The following LINGO2 variants were observed in gnomAD, a reference collection of about 807,000 sequenced individuals.
LINGO2 encodes leucine rich repeat and Ig domain containing 2, also known as leucine-rich repeat and immunoglobulin-like domain-containing nogo receptor-interacting protein 2.
LINGO2 carries 14 observed loss-of-function variants against 30.6 expected under a neutral mutation model. That is an observed-to-expected ratio of 0.46 (90% CI 0.30 to 0.72). LINGO2 has a LOEUF of 0.72. Among genes scored for constraint, LINGO2 ranks in the 30% least tolerant of loss-of-function variants. LINGO2 has a pLI of 0.07. For synonymous variants in LINGO2, 317 were observed against 288.5 expected (o/e 1.10, Z -1.00); for missense variants, 729 against 751.7 (o/e 0.97, Z 0.35).
chr9:28,577,416 G>C (rs909004160), intron 1 of LINGO2, among the ~76,000 whole-genome samples: 1 of 151,910 alleles, frequency 6.6e-6, no homozygotes, highest in Non-Finnish European at 1.5e-5. Flanking sequence ...TTCAGCCCAC[G>C]AGTACCATTT....
the LINGO2 span, among the ~76,000 whole-genome samples, chr9:28,890,748 T>C: frequency 0.85 from 129,489 of 152,046 alleles, 55,317 homozygotes; most frequent in Non-Finnish European, 0.89. Context: ...AAAATTCCAA[T>C]TGACAGTCAA....
At chr9:27,941,911 C>A in the LINGO2 span, 2 of 152,026 alleles carry the variant, frequency 1.3e-5, no homozygotes, top group Non-Finnish European at 2.9e-5. Flanking sequence ...TGAGTGAAGG[C>A]TAACTCAGAA....
At position 28,556,945 on chromosome 9, in the gene LINGO2, T is replaced by G. The variant is rs1021205606; in HGVS notation, c.-364-80920A>C. The stretch of plus-strand genomic sequence containing the variant: ...GTGCTGGGAAAACTGGCTAGCCATA[T>G]GTAGAAAGCTGAAACTAGATCCCTT... On this transcript the variant is annotated intron_variant, in intron 1 of 5. Transcript: ENST00000379992. Among the ~76,000 whole-genome samples, 403 of 152,224 alleles carry G rather than the reference T, an allele frequency of 2.6e-3. 4 individuals are homozygous for G. Among genetic ancestry groups the G allele is most frequent in the Non-Finnish European group, 4.4e-3 (298 of 68,030 alleles).
chr9:28,603,981 C>G (rs150990206), intron 1 of LINGO2, among the ~76,000 whole-genome samples: 8 of 152,132 alleles, frequency 5.3e-5, no homozygotes, highest in South Asian at 2.1e-4. Context: ...GTGTTTTACT[C>G]TTTTAATCTT....
At chr9:28,254,759 A>G (rs1158506187) in intron 4 of LINGO2, among the ~76,000 whole-genome samples, 1 of 152,078 alleles carries the variant, frequency 6.6e-6, no homozygotes, top group African/African-American at 2.4e-5. Flanking sequence ...AGAAATACCA[A>G]ATTTTTTAAA....
At chr9:28,971,126 C>T in the LINGO2 span, among the ~76,000 whole-genome samples, 3 of 152,120 alleles carry the variant, frequency 2.0e-5, no homozygotes, top group African/African-American at 7.2e-5. Flanking sequence ...TCCAGACGCA[C>T]CCTGGGCAAG....
At chr9:28,167,683 C>T (rs1828470486) in intron 4 of LINGO2, among the ~76,000 whole-genome samples, 1 of 152,138 alleles carries the variant, frequency 6.6e-6, no homozygotes, top group African/African-American at 2.4e-5. Flanking sequence ...CACTGCACCC[C>T]ACCTATTGTC....
chr9:28,995,903 G>A, the LINGO2 span, among the ~76,000 whole-genome samples: 10 of 78,026 alleles, frequency 1.3e-4, 1 homozygote, highest in African/African-American at 3.8e-4. Context: ...ATAGCATTAG[G>A]AGATATACCT....
At chr9:28,651,994 C>T (rs886809999) in intron 1 of LINGO2, among the ~76,000 whole-genome samples, 1 of 152,104 alleles carries the variant, frequency 6.6e-6, no homozygotes, top group Non-Finnish European at 1.5e-5. Context: ...CACACAAGTA[C>T]GTAGCCCTCA....
chr9:29,028,773 A>C, the LINGO2 span, among the ~76,000 whole-genome samples: 2 of 152,160 alleles, frequency 1.3e-5, no homozygotes, highest in Non-Finnish European at 2.9e-5. Flanking sequence ...GCTGACAGCT[A>C]TTCAATAGGT....
the LINGO2 span, among the ~76,000 whole-genome samples, chr9:28,700,260 T>G: frequency 6.6e-6 from 1 of 152,018 alleles, no homozygotes; most frequent in Non-Finnish European, 1.5e-5. Flanking sequence ...ATTGAAATAC[T>G]GGGGGCAGGT....
chr9:28,720,706 G>A, the LINGO2 span, among the ~76,000 whole-genome samples: 20 of 152,168 alleles, frequency 1.3e-4, no homozygotes, highest in African/African-American at 4.8e-4. Flanking sequence ...ATATATATTT[G>A]TATCATTCCA....
At chr9:28,866,043 T>A in the LINGO2 span, among the ~76,000 whole-genome samples, 1 of 152,166 alleles carries the variant, frequency 6.6e-6, no homozygotes, top group Non-Finnish European at 1.5e-5. Context: ...TGAATCTGAA[T>A]GCAAGAAAAC....
intron 4 of LINGO2, among the ~76,000 whole-genome samples, chr9:28,017,464 T>G (rs1041614140): frequency 6.6e-6 from 1 of 152,174 alleles, no homozygotes; most frequent in Non-Finnish European, 1.5e-5. Flanking sequence ...CAAAAGCCCC[T>G]TGGTCAGATA....
the LINGO2 span, among the ~76,000 whole-genome samples, chr9:28,837,709 G>T: frequency 1.5e-5 from 2 of 130,018 alleles, no homozygotes; most frequent in African/African-American, 5.8e-5. Context: ...GCCTAAGGGT[G>T]CAGTGCCTAC....
At chr9:28,373,201 G>A (rs561364710) in intron 2 of LINGO2, among the ~76,000 whole-genome samples, 1 of 152,228 alleles carries the variant, frequency 6.6e-6, no homozygotes, top group South Asian at 2.1e-4. Flanking sequence ...AAATTATATA[G>A]GCAGCACTTA....
chr9:28,265,164 C>A (rs987330908), intron 4 of LINGO2, among the ~76,000 whole-genome samples: 2 of 146,318 alleles, frequency 1.4e-5, no homozygotes, highest in African/African-American at 5.1e-5. Context: ...ATATACACAA[C>A]AACACAACAC....
intron 1 of LINGO2, among the ~76,000 whole-genome samples, chr9:28,614,073 T>C (rs1387320537): frequency 6.6e-6 from 1 of 152,158 alleles, no homozygotes; most frequent in Non-Finnish European, 1.5e-5. Flanking sequence ...GACTAGATCA[T>C]TTATAATAAA....
At chr9:28,105,719 A>ACTCTCTCT (rs369866533) in intron 4 of LINGO2, among the ~76,000 whole-genome samples, 2 of 147,832 alleles carry the variant, frequency 1.4e-5, no homozygotes, top group Admixed American at 6.8e-5. Context: ...AACCTGTCTC[A>ACTCTCTCT]CTCTCTCTCT....
Sources: allele counts gnomAD v4.1 joint callset (sites outside exome capture counted in the v4.1 genomes callset), GRCh38; gene constraint gnomAD v4.1.1; transcripts MANE v1.5; gene names NCBI Gene and HGNC (gene_info 2026-07-23, HGNC 2026-07-21).